LRTM2: variants seen among roughly 807,000 people sequenced by gnomAD.
The protein encoded by LRTM2 is leucine rich repeat transmembrane protein 2.
LRTM2 carries 18 observed loss-of-function variants against 28.1 expected under a neutral mutation model. The observed-to-expected ratio is 0.64, with a 90% confidence interval of 0.44 to 0.95. The LOEUF is 0.95. LRTM2 is among the 40% of genes least tolerant of loss of function. LRTM2 has a pLI of 0.00. For synonymous variants in LRTM2, 250 were observed against 218.7 expected (o/e 1.14, Z -1.26); for missense variants, 436 against 497.2 (o/e 0.88, Z 1.17).
intron 1 of LRTM2, among the ~76,000 whole-genome samples, chr12:1,822,995 T>C (rs1421909700): frequency 6.6e-6 from 1 of 152,184 alleles, no homozygotes; most frequent in Non-Finnish European, 1.5e-5. Context: ...GCTCTGCTTC[T>C]CTCTGGCCTT....
At position 1,828,125 on chromosome 12, in the gene LRTM2, G is replaced by A. The variant is rs1325162212; in HGVS notation, c.-24G>A. On this transcript the variant is annotated 5_prime_UTR_variant, in exon 3 of 5. Coordinates refer to ENST00000299194, the MANE Select transcript of LRTM2 (RefSeq NM_001039029.3). This position sits in a 1 kb window ranked among gnomAD's most constrained non-coding sequence, Gnocchi z 4.2. ...GCTCCTCTCTCCCCAGAGCGACAGGGCCCGGAGAGCCGTGGGCCTCACCAT... is the reference window on the plus strand; with the variant it reads ...GCTCCTCTCTCCCCAGAGCGACAGGACCCGGAGAGCCGTGGGCCTCACCAT... 2.0e-6 allele frequency: 3 copies of A among 1,520,118 alleles called. No individual in the cohort carries two copies. The highest frequency in any genetic ancestry group is 2.5e-5 in the South Asian group (2 of 80,384). 94.2% of individuals were successfully genotyped at this position (1,520,118 alleles called of 1,614,324 possible).
intron 1 of LRTM2, among the ~76,000 whole-genome samples, chr12:1,824,712 C>G (rs1366488509): frequency 2.6e-5 from 4 of 152,248 alleles, no homozygotes; most frequent in Admixed American, 2.6e-4. Context: ...CTCCAAGCTT[C>G]CCAATGTAGG....
chr12:1,823,026 C>T (rs577543597), intron 1 of LRTM2, among the ~76,000 whole-genome samples: 1 of 152,292 alleles, frequency 6.6e-6, no homozygotes, highest in Admixed American at 6.5e-5. Context: ...AAGGGGGCGG[C>T]AGAGTAGGCT....
At chr12:1,825,551 GA>G (rs1459845101) in intron 1 of LRTM2, among the ~76,000 whole-genome samples, 1 of 152,234 alleles carries the variant, frequency 6.6e-6, no homozygotes, top group Non-Finnish European at 1.5e-5. Context: ...TCAGCTGCCT[GA>G]GTGTTGGCAT....
chr12:1,828,835 T>G lies in LRTM2; in HGVS notation c.67+620T>G, dbSNP rs937883474. Among the ~76,000 whole-genome samples the G allele has an allele frequency of 6.6e-6, 1 of 152,106 alleles. No homozygotes were observed. The highest frequency in any genetic ancestry group is 1.5e-5 in the Non-Finnish European group (1 of 68,020). On this transcript the variant is annotated intron_variant, in intron 3 of 4. Transcript: ENST00000299194. This position sits in a 1 kb window ranked among gnomAD's most constrained non-coding sequence, Gnocchi z 4.2. ...TACCAAAAAGGGGAGGAAGCGTGAA[T>G]GAAGGCAACACTTGGCAGCTGTCAG...
intron 1 of LRTM2, among the ~76,000 whole-genome samples, chr12:1,823,903 T>C (rs906143186): frequency 3.3e-5 from 5 of 152,188 alleles, no homozygotes; most frequent in Non-Finnish European, 5.9e-5. Context: ...CCTGTACAAG[T>C]AACCCCCACG....
intron 1 of LRTM2, among the ~76,000 whole-genome samples, chr12:1,826,755 C>T (rs1864347644): frequency 6.6e-6 from 1 of 152,218 alleles, no homozygotes; most frequent in Non-Finnish European, 1.5e-5. Context: ...CTGTGGCCGC[C>T]TGAGGAGCAC....
intron 1 of LRTM2, among the ~76,000 whole-genome samples, chr12:1,823,512 T>C (rs1864194577): frequency 6.6e-6 from 1 of 152,018 alleles, no homozygotes; most frequent in Non-Finnish European, 1.5e-5. Context: ...CCCACTCAGC[T>C]CCGCATGTGG....
chr12:1,828,028 A>T lies in LRTM2; in HGVS notation c.-73-48A>T, dbSNP rs1864428784. On this transcript the variant is annotated intron_variant, in intron 2 of 4. Transcript: ENST00000299194. This position sits in a 1 kb window ranked among gnomAD's most constrained non-coding sequence, Gnocchi z 4.2. ...GCCCTCTCCCTAACCCCTGGGCTGG[A>T]ACGGGGCTCCCGCGCCTGCCTGTGC... The T allele has an allele frequency of 1.7e-5, 15 of 874,326 alleles. No homozygotes were observed. The South Asian group carries it at 3.2e-4, about 19-fold the overall frequency. 54.2% of individuals were successfully genotyped at this position (874,326 alleles called of 1,614,324 possible). A position where few individuals can be genotyped will look rare whatever the true frequency, so the allele number is the denominator to read the frequency against.
rs769086512 is a variant in LRTM2, at chr12:1,834,863, C to T, written c.*142C>T. On this transcript the variant is annotated 3_prime_UTR_variant, in exon 5 of 5. Transcript: ENST00000299194. The surrounding 1 kb of genome is among the most constrained non-coding windows in gnomAD (Gnocchi z 7.6). ...CCGCCCTCCAGCAGACAAGCCACACCGGGTTCTCTCCCTGCACTTTCGAGG... is the reference window on the plus strand; with the variant it reads ...CCGCCCTCCAGCAGACAAGCCACACTGGGTTCTCTCCCTGCACTTTCGAGG... 32 of 1,412,614 alleles carry T rather than the reference C, an allele frequency of 2.3e-5. No individual in the cohort carries two copies. The highest frequency in any genetic ancestry group is 2.6e-4 in the Middle Eastern group (1 of 3,860). The allele number at this position is 1,412,614 out of a possible 1,614,324, so 87.5% of individuals were successfully genotyped here.
intron 1 of LRTM2, among the ~76,000 whole-genome samples, chr12:1,826,411 C>CTT: frequency 9.7e-6 from 1 of 102,684 alleles, no homozygotes; most frequent in Admixed American, 1.0e-4. Context: ...CCCCCCCCCC[C>CTT]CCCCCGCCAA....
Position 1,829,792 on chromosome 12 carries a change from G to T in LRTM2, c.68-1143G>T, listed in dbSNP as rs935202041. 6.6e-6 allele frequency among the ~76,000 whole-genome samples: 1 copy of T among 151,642 alleles called. No individual in the cohort carries two copies. Among genetic ancestry groups the T allele is most frequent in the Non-Finnish European group, 1.5e-5 (1 of 67,858 alleles). ...AACTTCTCCATCAGTTCTCTGGCTG[G>T]GGTCTTTTCTCTAGGCTGGGTGGAA... is the stretch of plus-strand genomic sequence containing the variant. On this transcript the variant is annotated intron_variant, in intron 3 of 4. Coordinates refer to ENST00000299194, the MANE Select transcript of LRTM2 (RefSeq NM_001039029.3). The surrounding 1 kb of genome is among the most constrained non-coding windows in gnomAD (Gnocchi z 4.2).
rs776606825 is a variant in LRTM2 at position 1,831,381 on chromosome 12, C to G, written c.514C>G (p.Arg172Gly). Reference protein sequence around the residue: ...GLLALRSLSLRSNRLQNLDRL... With the variant: ...GLLALRSLSLGSNRLQNLDRL... Reference sequence around the variant, plus strand: ...CCTGGCTCTGCGCTCCCTCTCGCTTCGCTCCAACCGTCTGCAGAATCTGGA... The same window carrying G: ...CCTGGCTCTGCGCTCCCTCTCGCTTGGCTCCAACCGTCTGCAGAATCTGGA... The change falls in exon 4 of 5, where the codon CGC (arginine) becomes GGC (glycine). Residue 172 changes from arginine (R) to glycine (G), a missense_variant. Physicochemically the swap from Arg to Gly is moderately radical, Grantham distance 125 (BLOSUM62 -2). Transcript: ENST00000299194. 1.2e-6 allele frequency: 2 copies of G among 1,613,932 alleles called. No individual in the cohort carries two copies. The highest frequency in any genetic ancestry group is 1.7e-6 in the Non-Finnish European group (2 of 1,180,046).
intron 1 of LRTM2, among the ~76,000 whole-genome samples, chr12:1,826,414 C>CT (rs887751038): frequency 2.9e-5 from 4 of 138,468 alleles, no homozygotes; most frequent in African/African-American, 1.1e-4. Flanking sequence ...CCCCCCCCCC[C>CT]CCGCCAACTG....
chr12:1,831,606 T>C, intron 4 of LRTM2, 81 bp downstream of exon 4: 1 of 1,249,238 alleles, frequency 8.0e-7, no homozygotes, highest in Non-Finnish European at 1.1e-6. Context: ...GGTGGCTGGG[T>C]GCTGACTCAG....
rs752969266 is a variant in LRTM2, at chr12:1,836,393, T to C, written c.*1672T>C. 5 of 151,828 alleles carry C rather than the reference T, an allele frequency of 3.3e-5. No individual in the cohort carries two copies. The highest frequency in any genetic ancestry group is 5.9e-5 in the Non-Finnish European group (4 of 67,998). The allele number at this position is 151,828 out of a possible 1,614,324, so 9.4% of individuals were successfully genotyped here. ...AAGCCAAGGGTCTGAGCAGAGGGAGTTGGCAGGCCTAGCTCCTGTGCCCCA... is the reference window on the plus strand; with the variant it reads ...AAGCCAAGGGTCTGAGCAGAGGGAGCTGGCAGGCCTAGCTCCTGTGCCCCA... On this transcript the variant is annotated 3_prime_UTR_variant, in exon 5 of 5. Transcript: ENST00000299194.
At chr12:1,830,729 A>G (rs908439541) in intron 3 of LRTM2, among the ~76,000 whole-genome samples, 3 of 152,216 alleles carry the variant, frequency 2.0e-5, no homozygotes, top group African/African-American at 7.2e-5. Flanking sequence ...CCCTGCAGAC[A>G]CTGTGTGATG....
intron 1 of LRTM2, among the ~76,000 whole-genome samples, chr12:1,824,747 C>A (rs1001985147): frequency 1.3e-5 from 2 of 152,212 alleles, no homozygotes; most frequent in Non-Finnish European, 2.9e-5. Context: ...TAAGGAGGCT[C>A]CACTCTTCTG....
rs746430892 is a variant in LRTM2, at chr12:1,831,499, A to G, written c.632A>G (p.His211Arg). Residue 211 changes from histidine to arginine, a missense_variant, in exon 4 of 5, where the codon CAC becomes CGC. Physicochemically the swap from His to Arg is conservative, Grantham distance 29 (BLOSUM62 0). Coordinates refer to ENST00000299194, the MANE Select transcript of LRTM2 (RefSeq NM_001039029.3). ...GACTGTAACCTGCGTGAGTTCAAAC[A>G]CTGGATGGAGTGGTTCTCCTACCGA... Reference protein sequence around the residue: ...ECDCNLREFKHWMEWFSYRGG... With the variant: ...ECDCNLREFKRWMEWFSYRGG... 1.2e-6 allele frequency: 2 copies of G among 1,613,600 alleles called. No individual in the cohort carries two copies. Among genetic ancestry groups the G allele is most frequent in the Admixed American group, 3.3e-5 (2 of 60,022 alleles).
Sources: gnomAD v4.1 joint callset for allele counts (sites outside exome capture counted in the v4.1 genomes callset) on GRCh38, gnomAD v4.1.1 for gene constraint, Gnocchi (gnomAD v3.1) non-coding constraint, MANE v1.5 for transcripts, NCBI Gene and HGNC (gene_info 2026-07-23, HGNC 2026-07-21) for gene names.